Variants in PDLIM5 observed in about 807,000 individuals in gnomAD.
PDLIM5 encodes PDZ and LIM domain 5, also known as PDZ and LIM domain protein 5.
PDLIM5 carries 34 observed loss-of-function variants against 64.2 expected under a neutral mutation model. The observed-to-expected ratio is 0.53, with a 90% CI of 0.40 to 0.71. The LOEUF (loss-of-function observed/expected upper bound fraction) is 0.71, where lower values mean the gene tolerates loss of function less well. PDLIM5 is among the 30% of genes least tolerant of loss of function. The pLI, the probability that PDLIM5 is intolerant of heterozygous loss-of-function variation, is 0.00. For missense variants in PDLIM5, 683 were observed against 733.6 expected (o/e 0.93, Z 0.80); for synonymous variants, 253 against 269.1 (o/e 0.94, Z 0.59).
chr4:94,665,141 A>G lies in PDLIM5; in HGVS notation c.*1074A>G. The G allele has an allele frequency of 1.0e-6, 1 of 956,650 alleles. No homozygotes were observed. The highest frequency in any genetic ancestry group is 5.4e-4 in the Middle Eastern group (1 of 1,860). The allele number at this position is 956,650 out of a possible 1,614,324, so 59.3% of individuals were successfully genotyped here. On this transcript the variant is annotated 3_prime_UTR_variant, in exon 13 of 13. Coordinates refer to ENST00000317968, the MANE Select transcript of PDLIM5 (RefSeq NM_006457.5). ...TTTTTTCCCTTGTGCTAAGGTAAAG[A>G]TTTAATTAAATAATTTTGGCCTCTC...
chr4:94,565,272 C>A (rs878980490), intron 3 of PDLIM5, among the ~76,000 whole-genome samples: 1 of 152,136 alleles, frequency 6.6e-6, no homozygotes, highest in South Asian at 2.1e-4. Flanking sequence ...TATAAAAATA[C>A]AGGCTGATTC....
At chr4:94,570,005 C>T (rs1201789155) in intron 3 of PDLIM5, among the ~76,000 whole-genome samples, 3 of 152,102 alleles carry the variant, frequency 2.0e-5, no homozygotes, top group Non-Finnish European at 4.4e-5. Context: ...AATTTCTTCT[C>T]AAACCCTAAT....
At chr4:94,456,825 A>G (rs993320079) in intron 2 of PDLIM5, 20 of 1,147,588 alleles carry the variant, frequency 1.7e-5, no homozygotes, top group South Asian at 2.1e-5. Context: ...AAACTTGGAT[A>G]TTTATCAAGT....
chr4:94,580,626 G>A (rs1735652899), intron 5 of PDLIM5, among the ~76,000 whole-genome samples: 1 of 152,028 alleles, frequency 6.6e-6, no homozygotes, highest in African/African-American at 2.4e-5. Context: ...TCAAGATTAA[G>A]ATTCATTAAT....
chr4:94,452,319 A>T (rs1722927230), intron 1 of PDLIM5, among the ~76,000 whole-genome samples: 1 of 152,034 alleles, frequency 6.6e-6, no homozygotes, highest in Non-Finnish European at 1.5e-5. Context: ...GGAGGTGGCG[A>T]GGGCCGGCAG....
intron 9 of PDLIM5, among the ~76,000 whole-genome samples, chr4:94,642,924 T>C (rs1199421283): frequency 6.6e-6 from 1 of 152,216 alleles, no homozygotes; most frequent in Non-Finnish European, 1.5e-5. Flanking sequence ...ATTGTGAGTT[T>C]TCTGTCATAT....
chr4:94,529,176 T>C (rs1208406055), intron 3 of PDLIM5, among the ~76,000 whole-genome samples: 1 of 152,172 alleles, frequency 6.6e-6, no homozygotes, highest in Non-Finnish European at 1.5e-5. Flanking sequence ...GCCAGGGATC[T>C]AGAGCAGCGT....
chr4:94,477,744 G>T (rs1483484638), intron 2 of PDLIM5, among the ~76,000 whole-genome samples: 1 of 152,034 alleles, frequency 6.6e-6, no homozygotes, highest in African/African-American at 2.4e-5. Flanking sequence ...TACACCAACT[G>T]TGCTTGCCTG....
At chr4:94,546,101 T>C (rs1732288659) in intron 3 of PDLIM5, among the ~76,000 whole-genome samples, 1 of 152,200 alleles carries the variant, frequency 6.6e-6, no homozygotes, top group Admixed American at 6.5e-5. Context: ...GTGCATATTA[T>C]ACAAATGATG....
At chr4:94,657,360 T>G in intron 10 of PDLIM5, 67 bp from the exon 11 acceptor site, 1 of 1,155,428 alleles carries the variant, frequency 8.7e-7, no homozygotes, top group Non-Finnish European at 1.3e-6. Flanking sequence ...GGTACAGATA[T>G]TAGAATAAAC....
At chr4:94,454,566 C>T (rs1723156027) in intron 1 of PDLIM5, among the ~76,000 whole-genome samples, 2 of 152,142 alleles carry the variant, frequency 1.3e-5, no homozygotes, top group African/African-American at 2.4e-5. Context: ...AAACAAAAAG[C>T]AGGTTGTGAC....
At chr4:94,552,084 C>T (rs566537335) in intron 3 of PDLIM5, among the ~76,000 whole-genome samples, 23 of 152,170 alleles carry the variant, frequency 1.5e-4, no homozygotes, top group African/African-American at 5.5e-4. Context: ...ACCTAATGCC[C>T]AAGAGTGTGA....
At chr4:94,634,139 G>A (rs1740372067) in intron 8 of PDLIM5, among the ~76,000 whole-genome samples, 1 of 151,946 alleles carries the variant, frequency 6.6e-6, no homozygotes, top group Non-Finnish European at 1.5e-5. Context: ...ACTATTGGAG[G>A]GTTTTGAGCA....
intron 11 of PDLIM5, among the ~76,000 whole-genome samples, chr4:94,660,702 A>G (rs1406084206): frequency 6.6e-6 from 1 of 152,172 alleles, no homozygotes; most frequent in Non-Finnish European, 1.5e-5. Context: ...TGCTGAGCAA[A>G]TGGTGCTAAG....
At chr4:94,470,167 T>C (rs1724735865) in intron 2 of PDLIM5, among the ~76,000 whole-genome samples, 1 of 152,068 alleles carries the variant, frequency 6.6e-6, no homozygotes, top group African/African-American at 2.4e-5. Context: ...GTTTTCACCA[T>C]GTTAGCCAGT....
chr4:94,573,453 TTCCC>T, intron 4 of PDLIM5, 60 bp downstream of exon 4: 22 of 1,213,496 alleles, frequency 1.8e-5, no homozygotes, highest in Non-Finnish European at 2.6e-5. Flanking sequence ...GCTACTGTAA[TTCCC>T]ATTACTGTCT....
intron 7 of PDLIM5, among the ~76,000 whole-genome samples, chr4:94,595,407 G>T (rs1736992236): frequency 6.6e-6 from 1 of 152,226 alleles, no homozygotes; most frequent in East Asian, 1.9e-4. Flanking sequence ...AAACAGTTAT[G>T]TTGAGCCGGG....
At chr4:94,456,157 A>G (rs1723330792) in intron 2 of PDLIM5, 2 of 483,104 alleles carry the variant, frequency 4.1e-6, no homozygotes, top group Non-Finnish European at 3.5e-6. Flanking sequence ...ATTCAAATAA[A>G]TATGAATTTC....
chr4:94,495,662 A>G (rs151111241), intron 2 of PDLIM5, among the ~76,000 whole-genome samples: 6 of 152,314 alleles, frequency 3.9e-5, no homozygotes, highest in African/African-American at 1.4e-4. Flanking sequence ...ATTACTAAGG[A>G]CAGAGCCCCA....
Sources: allele counts gnomAD v4.1 joint callset (sites outside exome capture counted in the v4.1 genomes callset), GRCh38; gene constraint gnomAD v4.1.1; transcripts MANE v1.5; gene names NCBI Gene and HGNC (gene_info 2026-07-23, HGNC 2026-07-21).